Variants in MYO3B observed in about 807,000 individuals in gnomAD.
MYO3B encodes myosin-IIIb.
In MYO3B, 156 loss-of-function variants were observed where a neutral mutation model predicts 174.6. The observed-to-expected ratio is 0.89, with a 90% CI of 0.78 to 1.02. The LOEUF is 1.02. Among genes scored for constraint, MYO3B ranks in the 50% least tolerant of loss-of-function variants. The pLI is 0.00. For synonymous variants in MYO3B, 563 were observed against 569.1 expected, an observed-to-expected ratio of 0.99 and a Z score of 0.15; for missense variants, 1,632 against 1,639.4, an observed-to-expected ratio of 1.00 and a Z score of 0.08.
chr2:170,372,118 C>CAAAAAA (rs769243145), intron 9 of MYO3B, among the ~76,000 whole-genome samples: 396 of 22,006 alleles, frequency 0.018, 52 homozygotes, highest in East Asian at 0.051. Flanking sequence ...GACCCTGTCT[C>CAAAAAA]AAAAAAAAAA....
chr2:170,404,900 G>C (rs2094500806), intron 20 of MYO3B, among the ~76,000 whole-genome samples: 1 of 152,148 alleles, frequency 6.6e-6, no homozygotes, highest in Non-Finnish European at 1.5e-5. Context: ...GATGAATATA[G>C]GGCACCTCGT....
chr2:170,395,670 G>A (rs1420538885), intron 16 of MYO3B, among the ~76,000 whole-genome samples: 6 of 152,166 alleles, frequency 3.9e-5, no homozygotes, highest in African/African-American at 1.4e-4. Flanking sequence ...ACCGAGAAGT[G>A]TTGGAACAGA....
intron 32 of MYO3B, among the ~76,000 whole-genome samples, chr2:170,581,488 A>G (rs907998993): frequency 6.6e-6 from 1 of 152,062 alleles, no homozygotes; most frequent in African/African-American, 2.4e-5. Context: ...CAGTTTTATT[A>G]GTTTCTTTTT....
chr2:170,586,495 A>G (rs989770377), intron 32 of MYO3B, among the ~76,000 whole-genome samples: 3 of 152,234 alleles, frequency 2.0e-5, no homozygotes, highest in Admixed American at 2.0e-4. Context: ...GAAAATATTT[A>G]GCAATTACAT....
intron 9 of MYO3B, among the ~76,000 whole-genome samples, chr2:170,380,952 C>CA (rs2105732033): frequency 6.6e-6 from 1 of 152,160 alleles, no homozygotes; most frequent in East Asian, 1.9e-4. Context: ...TCCATCTCTA[C>CA]AAAAAATAAT....
intron 25 of MYO3B, among the ~76,000 whole-genome samples, chr2:170,479,414 ATG>A (rs1685536640): frequency 6.8e-6 from 1 of 146,496 alleles, no homozygotes; most frequent in East Asian, 1.9e-4. Context: ...TATTATATAG[ATG>A]TGTGTATATG....
At chr2:170,296,070 C>T (rs1246245183) in intron 7 of MYO3B, among the ~76,000 whole-genome samples, 6 of 152,162 alleles carry the variant, frequency 3.9e-5, no homozygotes, top group Non-Finnish European at 5.9e-5. Flanking sequence ...GATGCTCTTA[C>T]GCTCATCTTA....
In MYO3B at chr2:170,631,718, C is replaced by A. The variant is rs554592065; in HGVS notation, c.3734-19910C>A. Among the ~76,000 whole-genome samples, 11 of 152,212 alleles carry A rather than the reference C, an allele frequency of 7.2e-5. No homozygotes were observed. In the East Asian group the frequency reaches 2.1e-3, roughly 29 times the overall value. On this transcript the variant is annotated intron_variant, in intron 32 of 34. Transcript: ENST00000408978. The stretch of plus-strand genomic sequence containing the variant: ...AACAGTGGATCTCTCAGCAGAAACT[C>A]TACAAGCCAGAAGAGAGTGGGGGCC...
intron 22 of MYO3B, among the ~76,000 whole-genome samples, chr2:170,408,159 T>C (rs1262234120): frequency 6.6e-6 from 1 of 152,248 alleles, no homozygotes; most frequent in Non-Finnish European, 1.5e-5. Context: ...CATTAATTCA[T>C]GCTAAGCAAT....
chr2:170,432,006 T>C (rs932914661), intron 22 of MYO3B, among the ~76,000 whole-genome samples: 1 of 152,262 alleles, frequency 6.6e-6, no homozygotes, highest in Admixed American at 6.5e-5. Context: ...ATAAGCCTAC[T>C]GCTTTGCCAG....
chr2:170,309,562 G>A (rs1207815377), intron 7 of MYO3B, among the ~76,000 whole-genome samples: 3 of 152,154 alleles, frequency 2.0e-5, no homozygotes, highest in Admixed American at 1.3e-4. Flanking sequence ...TACACTTCAT[G>A]AGGGTGATTA....
At chr2:170,610,717 C>G (rs1695081838) in intron 32 of MYO3B, among the ~76,000 whole-genome samples, 1 of 152,162 alleles carries the variant, frequency 6.6e-6, no homozygotes, top group Non-Finnish European at 1.5e-5. Flanking sequence ...GAGTACAGTA[C>G]TTTTTATCAG....
intron 7 of MYO3B, among the ~76,000 whole-genome samples, chr2:170,303,092 A>G (rs1231190014): frequency 2.0e-5 from 3 of 152,192 alleles, no homozygotes; most frequent in African/African-American, 7.2e-5. Context: ...AGCTACAACA[A>G]AACTACTTCA....
intron 22 of MYO3B, among the ~76,000 whole-genome samples, chr2:170,434,804 G>A (rs961102912): frequency 6.6e-6 from 1 of 152,210 alleles, no homozygotes; most frequent in African/African-American, 2.4e-5. Flanking sequence ...GGGACCACAG[G>A]CGTGGCACCA....
chr2:170,598,454 T>A (rs1215355798), intron 32 of MYO3B, among the ~76,000 whole-genome samples: 1 of 152,216 alleles, frequency 6.6e-6, no homozygotes, highest in East Asian at 1.9e-4. Flanking sequence ...GCCGAAAAGA[T>A]CATTTATTTT....
chr2:170,472,305 T>C (rs1290151125), intron 25 of MYO3B, among the ~76,000 whole-genome samples: 1 of 152,164 alleles, frequency 6.6e-6, no homozygotes, highest in Non-Finnish European at 1.5e-5. Flanking sequence ...CCCTGCTTAC[T>C]TTCCTAGTCT....
At chr2:170,511,209 G>A (rs1477363640) in intron 28 of MYO3B, among the ~76,000 whole-genome samples, 9 of 151,440 alleles carry the variant, frequency 5.9e-5, no homozygotes, top group African/African-American at 1.5e-4. Context: ...ACAGGCGCCC[G>A]CCACCACGCC....
intron 1 of MYO3B, among the ~76,000 whole-genome samples, chr2:170,185,673 T>A (rs1259544529): frequency 6.6e-6 from 1 of 152,190 alleles, no homozygotes; most frequent in Non-Finnish European, 1.5e-5. Context: ...TTTCTATTTA[T>A]GTGAGGAATG....
intron 9 of MYO3B, among the ~76,000 whole-genome samples, chr2:170,372,638 C>T (rs1350269297): frequency 6.6e-6 from 1 of 152,088 alleles, no homozygotes; most frequent in Non-Finnish European, 1.5e-5. Context: ...GTGATAGAGA[C>T]AAGAATCAGG....
Sources: allele counts gnomAD v4.1 joint callset (sites outside exome capture counted in the v4.1 genomes callset), GRCh38; gene constraint gnomAD v4.1.1; transcripts MANE v1.5; gene names NCBI Gene and HGNC (gene_info 2026-07-23, HGNC 2026-07-21).